MYO10: variants seen among roughly 807,000 people sequenced by gnomAD.
The protein encoded by MYO10 is myosin X, also known as unconventional myosin-X.
MYO10 carries 133 observed loss-of-function variants against 257.3 expected under a neutral mutation model. The ratio of observed to expected loss-of-function variants is 0.52; its 90% CI spans 0.45 to 0.60. The LOEUF is 0.60. MYO10 is among the 20% of genes least tolerant of loss of function. MYO10 has a pLI of 0.00. For synonymous variants in MYO10, 1,104 were observed against 1,028.6 expected, an observed-to-expected ratio of 1.07 and a Z score of -1.40; for missense variants, 2,399 against 2,635.7, an observed-to-expected ratio of 0.91 and a Z score of 1.97.
intron 18 of MYO10, among the ~76,000 whole-genome samples, chr5:16,756,475 CATCT>C (rs997104057): frequency 6.6e-6 from 1 of 152,186 alleles, no homozygotes; most frequent in Non-Finnish European, 1.5e-5. Context: ...GCTTTCCCTC[CATCT>C]GTCTCTTTTT....
rs1188899527 is a variant in MYO10 at position 16,881,607 on chromosome 5, T to G, written c.22-3900A>C. Among the ~76,000 whole-genome samples the G allele has an allele frequency of 2.0e-5, 3 of 152,200 alleles. No individual in the cohort carries two copies. The East Asian group carries it at 5.8e-4, about 29-fold the overall frequency. ...GGAAATGCATTCAAAACACCCCCTT[T>G]GTTCTTTGAAAAAGTATTAACTGGC... On this transcript the variant is annotated intron_variant, in intron 1 of 40. Coordinates refer to ENST00000513610, the MANE Select transcript of MYO10 (RefSeq NM_012334.3).
At chr5:16,672,571 A>G in intron 37 of MYO10, 118 bp downstream of exon 37, 1 of 1,255,268 alleles carries the variant, frequency 8.0e-7, no homozygotes, top group Admixed American at 2.4e-5. Context: ...CACAGGTAAA[A>G]TAAAACTAAC....
rs1370135206 is a variant in MYO10, at chr5:16,666,747, A to G, written c.6122T>C (p.Val2041Ala). 12 of 1,608,446 alleles carry G rather than the reference A, an allele frequency of 7.5e-6. No individual in the cohort carries two copies. The highest frequency in any genetic ancestry group is 1.0e-5 in the Non-Finnish European group (12 of 1,178,656). Residue 2041 changes from valine (V) to alanine (A), a missense_variant, in exon 41 of 41, where the codon GTG becomes GCG. This residue lies in a region of MYO10 where 1,820 missense variants were observed against 1,939.4 expected (regional missense o/e 0.94). Transcript: ENST00000513610. ...KLMKAYISMI[V>A]KKRYSTTRSA... ...GCGTGTCGTGCTGTAGCGCTTCTTC[A>G]CGATCATGCTGATGTAGGCTTTCAT...
intron 18 of MYO10, among the ~76,000 whole-genome samples, chr5:16,757,779 C>T (rs1740579448): frequency 6.6e-6 from 1 of 152,180 alleles, no homozygotes; most frequent in Admixed American, 6.5e-5. Context: ...ATCCTCCCAC[C>T]TCAGCCTCCT....
chr5:16,891,425 A>G (rs1580121027), intron 1 of MYO10, among the ~76,000 whole-genome samples: 1 of 151,240 alleles, frequency 6.6e-6, no homozygotes, highest in South Asian at 2.1e-4. Flanking sequence ...AGGGGAGAGG[A>G]GAAAAGAAAG....
intron 2 of MYO10, among the ~76,000 whole-genome samples, chr5:16,841,164 G>A (rs1466412277): frequency 2.0e-5 from 3 of 151,276 alleles, no homozygotes; most frequent in African/African-American, 7.3e-5. Flanking sequence ...AAAAAAAGGA[G>A]ATTTCGAATG....
At chr5:16,902,554 C>T (rs528161774) in intron 1 of MYO10, 241 of 1,579,582 alleles carry the variant, frequency 1.5e-4, no homozygotes, top group South Asian at 6.3e-4. Flanking sequence ...TCCTTGGGCA[C>T]GCATCGGGCA....
intron 2 of MYO10, among the ~76,000 whole-genome samples, chr5:16,858,331 C>T (rs958980033): frequency 1.3e-5 from 2 of 151,908 alleles, no homozygotes; most frequent in Non-Finnish European, 2.9e-5. Flanking sequence ...CCTGTTCAGT[C>T]GCACACTGGA....
chr5:16,703,214 T>G, intron 22 of MYO10, 56 bp from the exon 23 acceptor site: 1 of 1,327,498 alleles, frequency 7.5e-7, no homozygotes, highest in Non-Finnish European at 1.1e-6. Flanking sequence ...CTTTGAGCTA[T>G]TCAAATGAGC....
chr5:16,743,075 GTGTCAC>G (rs974994042), intron 19 of MYO10, among the ~76,000 whole-genome samples: 7 of 152,256 alleles, frequency 4.6e-5, no homozygotes, highest in African/African-American at 1.7e-4. Context: ...AGCAGATACT[GTGTCAC>G]TGTACTCTAG....
chr5:16,696,078 T>C (rs1333811615), intron 26 of MYO10, among the ~76,000 whole-genome samples: 1 of 152,258 alleles, frequency 6.6e-6, no homozygotes, highest in Non-Finnish European at 1.5e-5. Context: ...TGTTGTTAAA[T>C]GATAAAGCTT....
chr5:16,747,931 A>G (rs1311886644), intron 19 of MYO10, among the ~76,000 whole-genome samples: 3 of 122,668 alleles, frequency 2.4e-5, no homozygotes, highest in Non-Finnish European at 4.5e-5. Flanking sequence ...AAAAAAAAAA[A>G]AAAAAAAAAA....
At chr5:16,868,022 C>T (rs1744330641) in intron 2 of MYO10, among the ~76,000 whole-genome samples, 1 of 152,166 alleles carries the variant, frequency 6.6e-6, no homozygotes, top group African/African-American at 2.4e-5. Flanking sequence ...CTGCAGTAAA[C>T]TGAATAACTA....
At chr5:16,886,525 T>C (rs1744901838) in intron 1 of MYO10, among the ~76,000 whole-genome samples, 1 of 152,250 alleles carries the variant, frequency 6.6e-6, no homozygotes, top group Non-Finnish European at 1.5e-5. Flanking sequence ...GGCCTATTGC[T>C]GAAATGCTCT....
chr5:16,773,400 T>C (rs778622354), intron 9 of MYO10, among the ~76,000 whole-genome samples: 7 of 152,216 alleles, frequency 4.6e-5, no homozygotes, highest in Non-Finnish European at 7.3e-5. Flanking sequence ...AATTTTTCCC[T>C]TTCTATGATT....
At chr5:16,873,171 GT>G (rs1319819137) in intron 2 of MYO10, among the ~76,000 whole-genome samples, 1 of 152,184 alleles carries the variant, frequency 6.6e-6, no homozygotes, top group Non-Finnish European at 1.5e-5. Context: ...TATAATGAGG[GT>G]ACAGGTATTG....
chr5:16,685,904 C>T (rs1737233835), intron 28 of MYO10, 73 bp from the exon 29 acceptor site: 4 of 1,153,764 alleles, frequency 3.5e-6, no homozygotes, highest in African/African-American at 1.5e-5. Flanking sequence ...CCCTACTGCA[C>T]GTGCTCTGTG....
intron 2 of MYO10, among the ~76,000 whole-genome samples, chr5:16,864,980 G>A (rs1744204558): frequency 6.6e-6 from 1 of 152,166 alleles, no homozygotes; most frequent in Non-Finnish European, 1.5e-5. Flanking sequence ...GAACTCTGTA[G>A]GCTGGTGTTT....
intron 21 of MYO10, among the ~76,000 whole-genome samples, chr5:16,709,117 A>G (rs1198940624): frequency 1.3e-5 from 2 of 152,224 alleles, no homozygotes; most frequent in Non-Finnish European, 1.5e-5. Context: ...TGAAGTCTAC[A>G]TCAGGGCTAA....
Sources: allele counts gnomAD v4.1 joint callset (sites outside exome capture counted in the v4.1 genomes callset), GRCh38; gene constraint gnomAD v4.1.1; regional missense constraint gnomAD v4.1.1; transcripts MANE v1.5; gene names NCBI Gene and HGNC (gene_info 2026-07-23, HGNC 2026-07-21).